The following FAM110C variants were observed in gnomAD, a reference collection of about 807,000 sequenced individuals.
FAM110C encodes the protein family with sequence similarity 110 member C.
A neutral mutation model predicts 15.7 loss-of-function variants in FAM110C; 19 were observed. That is an observed-to-expected ratio of 1.21 (90% CI 0.85 to 1.78). FAM110C has a LOEUF of 1.78. Among genes scored for constraint, FAM110C ranks in the 40% most tolerant of loss-of-function variants. FAM110C has a pLI of 0.00. For synonymous variants in FAM110C, 275 were observed against 233.9 expected (o/e 1.18, Z -1.61); for missense variants, 547 against 495.7 (o/e 1.10, Z -0.98).
At chr2:43,591 A>G in intron 1 of FAM110C, 2 of 985,436 alleles carry the variant, frequency 2.0e-6, no homozygotes, top group African/African-American at 3.5e-5. Context: ...CTAAATTCTC[A>G]TTCAGGTCAC....
intron 1 of FAM110C, chr2:43,821 A>G: frequency 1.0e-5 from 10 of 985,422 alleles, no homozygotes; most frequent in Non-Finnish European, 1.2e-5. Flanking sequence ...ACGTACTTCA[A>G]TAGACAACTT....
Position 46,417 on chromosome 2 carries a change from G to T in FAM110C, c.-32C>A. The T allele has an allele frequency of 8.0e-7, 1 of 1,256,692 alleles. No individual in the cohort carries two copies. The highest frequency in any genetic ancestry group is 1.6e-5 in the African/African-American group (1 of 64,360). The allele number at this position is 1,256,692 out of a possible 1,614,324, so 77.8% of individuals were successfully genotyped here. ...GGGGAATGGACCGACCGGGGTTCCG[G>T]GTCCAGCGGAGACGCGCTCGAGTGG... On this transcript the variant is annotated 5_prime_UTR_variant, in exon 1 of 2. Coordinates refer to ENST00000327669, the MANE Select transcript of FAM110C (RefSeq NM_001077710.3).
rs1302837729 is a variant in FAM110C, at chr2:39,940, T to TAAA, written c.*1667_*1668insTTT. 6.6e-6 allele frequency: 1 copy of TAAA among 152,230 alleles called. No individual in the cohort carries two copies. Among genetic ancestry groups the TAAA allele is most frequent in the Non-Finnish European group, 1.5e-5 (1 of 68,044 alleles). The allele number at this position is 152,230 out of a possible 1,614,324, so 9.4% of individuals were successfully genotyped here. ...GTGAACAGCAAAATAGCAGCATTTT[T>TAAA]AGAGCAACCATTGGGGAAAATTCTT... On this transcript the variant is annotated 3_prime_UTR_variant, in exon 2 of 2. Transcript: ENST00000327669.
At chr2:43,216 A>C (rs1020599255) in intron 1 of FAM110C, 3 of 985,464 alleles carry the variant, frequency 3.0e-6, no homozygotes, top group Non-Finnish European at 3.6e-6. Flanking sequence ...AGGGAAGTAC[A>C]TTAGTAAAGA....
In FAM110C at chr2:45,754, G is replaced by A; in HGVS notation, c.632C>T (p.Ala211Val). Residue 211 changes from alanine to valine, a missense_variant, in exon 1 of 2, where the codon GCC (alanine) becomes GTC (valine). Coordinates refer to ENST00000327669, the MANE Select transcript of FAM110C (RefSeq NM_001077710.3). ...QSDLSSRYSA[A>V]LAESDTFFQY... The stretch of plus-strand genomic sequence containing the variant: ...GAAGAAGGTGTCAGACTCGGCCAAG[G>A]CAGCGGAATAGCGGGAGCTGAGGTC... 1 of 1,588,624 alleles carries A rather than the reference G, an allele frequency of 6.3e-7. No individual in the cohort carries two copies. Among genetic ancestry groups the A allele is most frequent in the Non-Finnish European group, 8.6e-7 (1 of 1,169,578 alleles).
At chr2:44,185 C>A in intron 1 of FAM110C, 1 of 985,288 alleles carries the variant, frequency 1.0e-6, no homozygotes, top group Non-Finnish European at 1.2e-6. Context: ...TAGAACTTTG[C>A]CTATATATAT....
Position 40,403 on chromosome 2 carries a change from T to C in FAM110C, c.*1205A>G, listed in dbSNP as rs1306352991. The C allele has an allele frequency of 1.3e-5, 2 of 152,244 alleles. No individual in the cohort carries two copies. Among genetic ancestry groups the C allele is most frequent in the Non-Finnish European group, 1.5e-5 (1 of 68,050 alleles). The allele number at this position is 152,244 out of a possible 1,614,324, so 9.4% of individuals were successfully genotyped here. On this transcript the variant is annotated 3_prime_UTR_variant, in exon 2 of 2. Coordinates refer to ENST00000327669, the MANE Select transcript of FAM110C (RefSeq NM_001077710.3). ...CACATTCTTCTCTCTAACGATTTTC[T>C]TCTTGAAAAGATATATTTTGATATT...
At chr2:44,088 A>G (rs1244935400) in intron 1 of FAM110C, 5 of 985,448 alleles carry the variant, frequency 5.1e-6, no homozygotes, top group Non-Finnish European at 6.0e-6. Context: ...ACATGGTGCC[A>G]TCATGGAAAT....
rs1305105185 is a variant in FAM110C at position 46,416 on chromosome 2, G to T, written c.-31C>A. On this transcript the variant is annotated 5_prime_UTR_variant, in exon 1 of 2. Coordinates refer to ENST00000327669, the MANE Select transcript of FAM110C (RefSeq NM_001077710.3). The stretch of plus-strand genomic sequence containing the variant: ...CGGGGAATGGACCGACCGGGGTTCC[G>T]GGTCCAGCGGAGACGCGCTCGAGTG... The T allele has an allele frequency of 1.6e-6, 2 of 1,255,946 alleles. No individual in the cohort carries two copies. The highest frequency in any genetic ancestry group is 1.6e-5 in the African/African-American group (1 of 64,214). 77.8% of individuals were successfully genotyped at this position (1,255,946 alleles called of 1,614,324 possible). A position where few individuals can be genotyped will look rare whatever the true frequency, so the allele number is the denominator to read the frequency against.
chr2:45,742 G>A lies in FAM110C; in HGVS notation c.644C>T (p.Ser215Phe). Residue 215 changes from serine to phenylalanine, a missense_variant, in exon 1 of 2, where the codon TCT (serine) becomes TTT (phenylalanine). Physicochemically the swap from Ser to Phe is radical, Grantham distance 155. Transcript: ENST00000327669. ...SSRYSAALAE[S>F]DTFFQYCGLD... ...GCCGCAGTACTGGAAGAAGGTGTCAGACTCGGCCAAGGCAGCGGAATAGCG... is the reference window on the plus strand; with the variant it reads ...GCCGCAGTACTGGAAGAAGGTGTCAAACTCGGCCAAGGCAGCGGAATAGCG... The A allele has an allele frequency of 6.3e-7, 1 of 1,594,982 alleles. No homozygotes were observed. Among genetic ancestry groups the A allele is most frequent in the Non-Finnish European group, 8.5e-7 (1 of 1,172,366 alleles).
chr2:44,007 T>G, intron 1 of FAM110C: 1 of 985,404 alleles, frequency 1.0e-6, no homozygotes. Flanking sequence ...CCCTTAATTC[T>G]GGTTTAGTGC....
At position 40,377 on chromosome 2, in the gene FAM110C, CCA is replaced by C. The variant is rs1664091382; in HGVS notation, c.*1229_*1230del. ...AATGAGAAACCCATTTCTCTCCCCT[CCA>C]CATTCTTCTCTCTAACGATTTTCTT... is the stretch of plus-strand genomic sequence containing the variant. On this transcript the variant is annotated 3_prime_UTR_variant, in exon 2 of 2. Coordinates refer to ENST00000327669, the MANE Select transcript of FAM110C (RefSeq NM_001077710.3). 1 of 152,190 alleles carries C rather than the reference CCA, an allele frequency of 6.6e-6. No homozygotes were observed. Among genetic ancestry groups the C allele is most frequent in the African/African-American group, 2.4e-5 (1 of 41,450 alleles). 9.4% of individuals were successfully genotyped at this position (152,190 alleles called of 1,614,324 possible). A position where few individuals can be genotyped will look rare whatever the true frequency, so the allele number is the denominator to read the frequency against.
Position 45,964 on chromosome 2 carries a change from C to G in FAM110C, c.422G>C (p.Gly141Ala). 6.9e-7 allele frequency: 1 copy of G among 1,445,592 alleles called. No homozygotes were observed. 89.5% of individuals were successfully genotyped at this position (1,445,592 alleles called of 1,614,324 possible). A position where few individuals can be genotyped will look rare whatever the true frequency, so the allele number is the denominator to read the frequency against. ...GKDKAPVPRTGDEGKAGNPET... is the reference protein window; with the variant it reads ...GKDKAPVPRTADEGKAGNPET... ...CGGGTTCCCGGCCTTGCCCTCGTCT[C>G]CCGTCCGGGGCACCGGCGCCTTGTC... The change falls in exon 1 of 2, where the codon GGA becomes GCA. Residue 141 changes from glycine to alanine, a missense_variant. Gly to Ala is a moderately conservative substitution (Grantham distance 60, BLOSUM62 0). Transcript: ENST00000327669.
At position 46,356 on chromosome 2, in the gene FAM110C, G is replaced by C; in HGVS notation, c.30C>G (p.Pro10=). Residue 10 remains proline (P), a synonymous_variant, in exon 1 of 2, where the codon CCC becomes CCG. Coordinates refer to ENST00000327669, the MANE Select transcript of FAM110C (RefSeq NM_001077710.3). MRALAALSA[P]PNERLLPRDP... The stretch of plus-strand genomic sequence containing the variant: ...CCCGGGGAAGGAGCCGCTCGTTCGG[G>C]GGCGCGCTCAGGGCCGCCAGGGCGC... 2 of 1,304,780 alleles carry C rather than the reference G, an allele frequency of 1.5e-6. No individual in the cohort carries two copies. Among genetic ancestry groups the C allele is most frequent in the Non-Finnish European group, 1.9e-6 (2 of 1,029,930 alleles). 80.8% of individuals were successfully genotyped at this position (1,304,780 alleles called of 1,614,324 possible). A position where few individuals can be genotyped will look rare whatever the true frequency, so the allele number is the denominator to read the frequency against.
At chr2:41,906 G>A (rs1664135132) in intron 1 of FAM110C, 1 of 985,346 alleles carries the variant, frequency 1.0e-6, no homozygotes, top group Non-Finnish European at 1.2e-6. Context: ...TACTCATGGG[G>A]CAGTAAAGAA....
chr2:43,651 G>A (rs900022395), intron 1 of FAM110C: 35 of 985,262 alleles, frequency 3.6e-5, no homozygotes, highest in Non-Finnish European at 4.2e-5. Flanking sequence ...GGTCTGGAGG[G>A]ATCAGAGCAG....
Position 46,157 on chromosome 2 carries a change from G to C in FAM110C, c.229C>G (p.Pro77Ala). 1 of 1,418,866 alleles carries C rather than the reference G, an allele frequency of 7.0e-7. No individual in the cohort carries two copies. The highest frequency in any genetic ancestry group is 9.1e-7 in the Non-Finnish European group (1 of 1,093,738). 87.9% of individuals were successfully genotyped at this position (1,418,866 alleles called of 1,614,324 possible). ...AIKCPGNDPG[P>A]PARAPAPVAR... is the part of the protein sequence containing the mutation. ...ACCGGGGCCGGGGCGCGGGCCGGGGGCCCAGGGTCGTTCCCCGGGCACTTG... is the reference window on the plus strand; with the variant it reads ...ACCGGGGCCGGGGCGCGGGCCGGGGCCCCAGGGTCGTTCCCCGGGCACTTG... Residue 77 changes from proline to alanine, a missense_variant, in exon 1 of 2, where the codon CCC (proline) becomes GCC (alanine). Coordinates refer to ENST00000327669, the MANE Select transcript of FAM110C (RefSeq NM_001077710.3).
At chr2:45,298 C>T (rs1664243665) in intron 1 of FAM110C, 142 bp downstream of exon 1, 14 of 1,431,400 alleles carry the variant, frequency 9.8e-6, no homozygotes, top group Non-Finnish European at 1.3e-5. Flanking sequence ...GCGTCAGTCT[C>T]TTGGGTCCCT....
At position 45,833 on chromosome 2, in the gene FAM110C, G is replaced by C; in HGVS notation, c.553C>G (p.Pro185Ala). Residue 185 changes from proline to alanine, a missense_variant, in exon 1 of 2, where the codon CCT becomes GCT. Pro to Ala is a conservative substitution (Grantham distance 27). Transcript: ENST00000327669. ...AAPSSVPAAP[P>A]GPEPRVVRRR... Reference sequence around the variant, plus strand: ...CTCACCACCCGCGGCTCTGGCCCAGGGGGCGCGGCCGGGACACTGGAGGGC... The same window carrying C: ...CTCACCACCCGCGGCTCTGGCCCAGCGGGCGCGGCCGGGACACTGGAGGGC... 1 of 1,540,630 alleles carries C rather than the reference G, an allele frequency of 6.5e-7. No individual in the cohort carries two copies. The highest frequency in any genetic ancestry group is 8.7e-7 in the Non-Finnish European group (1 of 1,147,678).
Sources: allele counts gnomAD v4.1 joint callset, GRCh38; gene constraint gnomAD v4.1.1; transcripts MANE v1.5; gene names NCBI Gene and HGNC (gene_info 2026-07-23, HGNC 2026-07-21).